Variants in GRIK1 observed in about 807,000 individuals in gnomAD.
The protein encoded by GRIK1 is glutamate receptor ionotropic, kainate 1.
A neutral mutation model predicts 105.7 loss-of-function variants in GRIK1; 69 were observed. The ratio of observed to expected loss-of-function variants is 0.65; its 90% CI spans 0.54 to 0.80. The LOEUF is 0.80. Ranked by LOEUF, GRIK1 falls within the 30% of genes least tolerant of loss-of-function variation. The pLI is 0.00. For synonymous variants in GRIK1, 438 were observed against 431.3 expected (o/e 1.02, Z -0.19); for missense variants, 1,109 against 1,167.3 (o/e 0.95, Z 0.73).
At position 29,844,069 on chromosome 21, in the gene GRIK1, G is replaced by A. The variant is rs575107918; in HGVS notation, c.118+95314C>T. ...CACTCTCATTACGCCATTTGGAAAG[G>A]CACAATGTCTCCAGAGTATGCACTC... On this transcript the variant is annotated intron_variant, in intron 1 of 17. Coordinates refer to ENST00000327783, the MANE Select transcript of GRIK1 (RefSeq NM_001330994.2). Among the ~76,000 whole-genome samples the A allele has an allele frequency of 3.9e-5, 6 of 152,214 alleles. No homozygotes were observed. In the South Asian group the frequency reaches 1.2e-3, roughly 32 times the overall value.
intron 7 of GRIK1, among the ~76,000 whole-genome samples, chr21:29,641,656 T>C (rs1156869226): frequency 6.6e-6 from 1 of 152,192 alleles, no homozygotes; most frequent in African/African-American, 2.4e-5. Context: ...GAATTTCCTC[T>C]TAATCTTGTG....
intron 1 of GRIK1, among the ~76,000 whole-genome samples, chr21:29,770,988 A>G (rs987326957): frequency 6.6e-6 from 1 of 152,250 alleles, no homozygotes; most frequent in Non-Finnish European, 1.5e-5. Context: ...GGTAAAAATA[A>G]TGTAGTGAAT....
intron 1 of GRIK1, among the ~76,000 whole-genome samples, chr21:29,732,054 T>G (rs576642186): frequency 1.3e-4 from 20 of 152,356 alleles, no homozygotes; most frequent in Admixed American, 1.3e-3. Flanking sequence ...TGCAAACAAT[T>G]GAAATCCTTG....
intron 1 of GRIK1, among the ~76,000 whole-genome samples, chr21:29,850,274 A>G (rs2068263456): frequency 6.6e-6 from 1 of 152,174 alleles, no homozygotes; most frequent in African/African-American, 2.4e-5. Flanking sequence ...CTTAAATCTC[A>G]CAGATATGAA....
chr21:29,855,387 G>T (rs1034442283), intron 1 of GRIK1, among the ~76,000 whole-genome samples: 2 of 152,174 alleles, frequency 1.3e-5, no homozygotes, highest in Non-Finnish European at 2.9e-5. Context: ...CATCTTTAAA[G>T]AGTGATATTT....
chr21:29,582,018 C>G (rs2091033660), intron 12 of GRIK1, among the ~76,000 whole-genome samples: 1 of 152,148 alleles, frequency 6.6e-6, no homozygotes, highest in Admixed American at 6.5e-5. Flanking sequence ...TTTGTATGGA[C>G]AGATGGTTAG....
chr21:29,837,799 G>C (rs886577115), intron 1 of GRIK1, among the ~76,000 whole-genome samples: 11 of 152,164 alleles, frequency 7.2e-5, no homozygotes, highest in Admixed American at 4.6e-4. Context: ...TTCCACATTA[G>C]TGGTACTTGG....
intron 1 of GRIK1, among the ~76,000 whole-genome samples, chr21:29,701,519 G>C (rs1028953167): frequency 6.6e-6 from 1 of 152,192 alleles, no homozygotes; most frequent in Non-Finnish European, 1.5e-5. Context: ...GGGTGGATTG[G>C]AGCAGATCAC....
intron 7 of GRIK1, among the ~76,000 whole-genome samples, chr21:29,638,751 T>C (rs1032627272): frequency 6.6e-6 from 1 of 152,234 alleles, no homozygotes; most frequent in Non-Finnish European, 1.5e-5. Context: ...CTTACTCCAA[T>C]AGACTTCCTT....
At chr21:29,662,527 C>T (rs1348413032) in intron 4 of GRIK1, among the ~76,000 whole-genome samples, 1 of 151,908 alleles carries the variant, frequency 6.6e-6, no homozygotes, top group African/African-American at 2.4e-5. Context: ...TATTATCTAC[C>T]CCAGATGATT....
At chr21:29,601,386 G>A (rs2061515979) in intron 7 of GRIK1, among the ~76,000 whole-genome samples, 1 of 152,172 alleles carries the variant, frequency 6.6e-6, no homozygotes, top group Non-Finnish European at 1.5e-5. Context: ...CAGCCTCCAT[G>A]TTGGTGTGCC....
At chr21:29,589,894 C>G (rs569841774) in intron 10 of GRIK1, among the ~76,000 whole-genome samples, 25 of 152,224 alleles carry the variant, frequency 1.6e-4, no homozygotes, top group Non-Finnish European at 1.5e-4. Context: ...TCAGGGTAGC[C>G]TATTCCAAAG....
At chr21:29,884,707 AGTT>A (rs1356578117) in intron 1 of GRIK1, among the ~76,000 whole-genome samples, 1 of 152,122 alleles carries the variant, frequency 6.6e-6, no homozygotes, top group African/African-American at 2.4e-5. Flanking sequence ...TACTTAAAGT[AGTT>A]ATTATCTCCA....
chr21:29,567,345 T>G (rs2090634265), intron 14 of GRIK1, among the ~76,000 whole-genome samples: 5 of 152,184 alleles, frequency 3.3e-5, no homozygotes, highest in Admixed American at 3.3e-4. Context: ...TAACTATTAT[T>G]TATCACATTA....
chr21:29,762,228 C>T (rs913925535), intron 1 of GRIK1, among the ~76,000 whole-genome samples: 2 of 152,216 alleles, frequency 1.3e-5, no homozygotes, highest in African/African-American at 2.4e-5. Flanking sequence ...AATGACTGAT[C>T]TAAATGTCAG....
intron 15 of GRIK1, among the ~76,000 whole-genome samples, chr21:29,560,578 CTCTT>C (rs1230838086): frequency 0.012 from 585 of 47,928 alleles, 12 homozygotes; most frequent in Non-Finnish European, 0.02. Flanking sequence ...CTTTCTTTCT[CTCTT>C]TCTTTCTTTC....
intron 7 of GRIK1, among the ~76,000 whole-genome samples, chr21:29,614,095 T>C (rs1366644683): frequency 2.6e-5 from 4 of 152,134 alleles, no homozygotes; most frequent in African/African-American, 7.2e-5. Flanking sequence ...ACCAAGTTTT[T>C]TTCCCCCATC....
At chr21:29,544,100 C>T (rs1359163655) in intron 16 of GRIK1, among the ~76,000 whole-genome samples, 6 of 152,164 alleles carry the variant, frequency 3.9e-5, no homozygotes, top group African/African-American at 1.2e-4. Flanking sequence ...CCCTAGAATT[C>T]CTTGTTCTCC....
At chr21:29,865,926 A>G (rs2068786981) in intron 1 of GRIK1, among the ~76,000 whole-genome samples, 1 of 152,208 alleles carries the variant, frequency 6.6e-6, no homozygotes, top group Non-Finnish European at 1.5e-5. Context: ...GTGTCTTGGT[A>G]GGCTTGTTAG....
Sources: gnomAD v4.1 joint callset for allele counts (sites outside exome capture counted in the v4.1 genomes callset) on GRCh38, gnomAD v4.1.1 for gene constraint, MANE v1.5 for transcripts, NCBI Gene and HGNC (gene_info 2026-07-23, HGNC 2026-07-21) for gene names.